IL1RAPL1: variants seen among roughly 807,000 people sequenced by gnomAD.
The protein encoded by IL1RAPL1 is interleukin-1 receptor accessory protein-like 1.
In IL1RAPL1, 3 loss-of-function variants were observed where a neutral mutation model predicts 48.4. That is an observed-to-expected ratio of 0.06 (90% CI 0.03 to 0.16). The LOEUF (loss-of-function observed/expected upper bound fraction) is 0.16. Among genes scored for constraint, IL1RAPL1 ranks in the 10% least tolerant of loss-of-function variants. The pLI, the probability that IL1RAPL1 is intolerant of heterozygous loss-of-function variation, is 1.00. For missense variants in IL1RAPL1, 349 were observed against 530.6 expected, an observed-to-expected ratio of 0.66 and a Z score of 3.36; for synonymous variants, 185 against 187.7, an observed-to-expected ratio of 0.99 and a Z score of 0.12.
rs766058059 is a variant in IL1RAPL1, at chrX:28,971,258, T to C, written c.82+181833T>C. Among the ~76,000 whole-genome samples the C allele has an allele frequency of 3.6e-5, 4 of 112,305 alleles. No homozygotes were observed. The East Asian group carries it at 8.5e-4, about 24-fold the overall frequency. ...TTTTCCCCTACCCCATTGAAACTTC[T>C]AAATTACCTATAAAATTGTCATAAT... is the stretch of plus-strand genomic sequence containing the variant. On this transcript the variant is annotated intron_variant, in intron 2 of 10. Coordinates refer to ENST00000378993, the MANE Select transcript of IL1RAPL1 (RefSeq NM_014271.4).
chrX:29,720,065 G>A (rs1601794360), intron 6 of IL1RAPL1, among the ~76,000 whole-genome samples: 2 of 111,826 alleles, frequency 1.8e-5, no homozygotes, highest in Admixed American at 9.5e-5. Flanking sequence ...ACCATCTCAC[G>A]CCAGTTAGAA....
At chrX:28,704,999 G>A (rs1332250765) in intron 1 of IL1RAPL1, among the ~76,000 whole-genome samples, 2 of 110,969 alleles carry the variant, frequency 1.8e-5, no homozygotes, top group African/African-American at 6.6e-5. Context: ...TAAGTAGGAT[G>A]TGTGATATGG....
At chrX:29,590,597 A>T (rs1394117292) in intron 5 of IL1RAPL1, among the ~76,000 whole-genome samples, 2 of 111,446 alleles carry the variant, frequency 1.8e-5, no homozygotes, top group African/African-American at 6.5e-5. Context: ...TCTTAATAGG[A>T]TGGCAGTGTC....
chrX:29,222,423 C>A (rs1307379687), intron 2 of IL1RAPL1, among the ~76,000 whole-genome samples: 3 of 111,640 alleles, frequency 2.7e-5, no homozygotes, highest in African/African-American at 9.8e-5. Flanking sequence ...ATTTTATTAC[C>A]TGCTCCCAAG....
chrX:29,361,542 A>AAC (rs35694893), intron 3 of IL1RAPL1, among the ~76,000 whole-genome samples: 5,656 of 100,921 alleles, frequency 0.056, 156 homozygotes, highest in Non-Finnish European at 0.079. Context: ...AACTACCTTA[A>AAC]ACACACACAC....
At chrX:29,009,402 T>G (rs1358074000) in intron 2 of IL1RAPL1, among the ~76,000 whole-genome samples, 2 of 112,266 alleles carry the variant, frequency 1.8e-5, no homozygotes, top group Non-Finnish European at 3.8e-5. Flanking sequence ...AGGTCTTACA[T>G]TTAAATCTCT....
chrX:29,906,498 T>TATTTC (rs1932631145), intron 6 of IL1RAPL1, among the ~76,000 whole-genome samples: 4 of 50,797 alleles, frequency 7.9e-5, no homozygotes, highest in Non-Finnish European at 1.4e-4. Flanking sequence ...TATATATATA[T>TATTTC]ATATATATAT....
At chrX:29,238,256 G>A (rs968331031) in intron 2 of IL1RAPL1, among the ~76,000 whole-genome samples, 3 of 112,070 alleles carry the variant, frequency 2.7e-5, no homozygotes, top group Non-Finnish European at 5.6e-5. Flanking sequence ...ATATGTGGGA[G>A]AAGGTAGATT....
intron 6 of IL1RAPL1, among the ~76,000 whole-genome samples, chrX:29,893,605 A>G (rs745871073): frequency 8.9e-6 from 1 of 111,851 alleles, no homozygotes; most frequent in Non-Finnish European, 1.9e-5. Context: ...TATCATATAT[A>G]TGTATAAAAT....
intron 2 of IL1RAPL1, among the ~76,000 whole-genome samples, chrX:29,251,587 A>G (rs1931620333): frequency 9.0e-6 from 1 of 111,436 alleles, no homozygotes; most frequent in South Asian, 3.8e-4. Context: ...TCTTTTTGAT[A>G]GGCTGGCTTT....
intron 5 of IL1RAPL1, among the ~76,000 whole-genome samples, chrX:29,544,759 G>A (rs759810828): frequency 9.1e-6 from 1 of 110,143 alleles, no homozygotes; most frequent in African/African-American, 3.3e-5. Flanking sequence ...GTATGTGTGT[G>A]TGTTTGTGTG....
intron 6 of IL1RAPL1, among the ~76,000 whole-genome samples, chrX:29,742,884 G>A (rs1349985783): frequency 9.0e-6 from 1 of 111,038 alleles, no homozygotes; most frequent in East Asian, 2.8e-4. Flanking sequence ...GTGGCATGGA[G>A]GAAGATTAAA....
At chrX:29,006,255 C>T (rs1925974565) in intron 2 of IL1RAPL1, among the ~76,000 whole-genome samples, 1 of 111,170 alleles carries the variant, frequency 9.0e-6, no homozygotes, top group African/African-American at 3.3e-5. Flanking sequence ...ATTTACCACA[C>T]CTTCATCCCA....
chrX:28,686,976 T>C (rs1292506425), intron 1 of IL1RAPL1, among the ~76,000 whole-genome samples: 1 of 112,131 alleles, frequency 8.9e-6, no homozygotes, highest in Non-Finnish European at 1.9e-5. Context: ...AAATGAATTT[T>C]TGGAATGGAT....
At chrX:29,954,272 G>T (rs1933374537) in intron 9 of IL1RAPL1, among the ~76,000 whole-genome samples, 1 of 94,979 alleles carries the variant, frequency 1.1e-5, no homozygotes, top group Non-Finnish European at 2.1e-5. Flanking sequence ...AAGGAAGTCT[G>T]CATTTCATTA....
chrX:29,600,277 G>A (rs186503492), intron 5 of IL1RAPL1, among the ~76,000 whole-genome samples: 37 of 111,846 alleles, frequency 3.3e-4, no homozygotes, highest in Non-Finnish European at 6.4e-4. Context: ...CCAAACTGCA[G>A]TGATTGTCTT....
intron 5 of IL1RAPL1, among the ~76,000 whole-genome samples, chrX:29,559,995 ATATTTT>A (rs1260514438): frequency 9.0e-6 from 1 of 111,686 alleles, no homozygotes; most frequent in Non-Finnish European, 1.9e-5. Flanking sequence ...AGTGAGTTTT[ATATTTT>A]TATATGTCTT....
intron 2 of IL1RAPL1, among the ~76,000 whole-genome samples, chrX:28,959,607 A>G (rs1390004197): frequency 8.9e-6 from 1 of 111,836 alleles, no homozygotes; most frequent in Non-Finnish European, 1.9e-5. Context: ...TGTTTCTCTT[A>G]TGTAGAATTC....
intron 6 of IL1RAPL1, among the ~76,000 whole-genome samples, chrX:29,730,510 A>T (rs919353834): frequency 3.6e-5 from 4 of 112,443 alleles, no homozygotes; most frequent in Non-Finnish European, 7.5e-5. Flanking sequence ...AAGTATCATT[A>T]CCTAGAATGT....
Sources: gnomAD v4.1 joint callset for allele counts (sites outside exome capture counted in the v4.1 genomes callset) on GRCh38, gnomAD v4.1.1 for gene constraint, MANE v1.5 for transcripts, NCBI Gene and HGNC (gene_info 2026-07-23, HGNC 2026-07-21) for gene names.